The following ELF1 variants were observed in gnomAD, a reference collection of about 807,000 sequenced individuals.
ELF1 encodes the protein ETS-related transcription factor Elf-1.
Under a neutral mutation model 59.9 loss-of-function variants are expected in ELF1, and 24 were observed. That is an observed-to-expected ratio of 0.40 (90% confidence interval 0.29 to 0.56). The LOEUF (loss-of-function observed/expected upper bound fraction) is 0.56. Among genes scored for constraint, ELF1 ranks in the 20% least tolerant of loss-of-function variants. ELF1 has a pLI of 0.44. For missense variants in ELF1, 627 were observed against 742.2 expected (o/e 0.84, Z 1.80); for synonymous variants, 248 against 266.2 (o/e 0.93, Z 0.67).
intron 1 of ELF1, among the ~76,000 whole-genome samples, chr13:41,053,874 A>G (rs968135037): frequency 2.4e-4 from 37 of 152,226 alleles, no homozygotes; most frequent in Non-Finnish European, 5.1e-4. Context: ...TCATTTGTAT[A>G]AATACAATTA....
chr13:41,055,559 ATGTAT>A (rs1877253562), intron 1 of ELF1, among the ~76,000 whole-genome samples: 1 of 151,862 alleles, frequency 6.6e-6, no homozygotes, highest in Non-Finnish European at 1.5e-5. Context: ...TTATCAAACT[ATGTAT>A]TGTATCATAA....
chr13:41,035,737 A>G (rs1049004215), intron 1 of ELF1, among the ~76,000 whole-genome samples: 5 of 151,612 alleles, frequency 3.3e-5, no homozygotes, highest in African/African-American at 1.2e-4. Flanking sequence ...GAAAAAAAAA[A>G]AAAAAGGAAA....
intron 5 of ELF1, among the ~76,000 whole-genome samples, chr13:40,945,172 C>T (rs1176977125): frequency 2.0e-5 from 3 of 152,052 alleles, no homozygotes; most frequent in Admixed American, 2.0e-4. Context: ...TTAATATATA[C>T]CAGCTTAAAA....
chr13:40,970,320 G>A (rs1872453684), intron 2 of ELF1, among the ~76,000 whole-genome samples: 1 of 152,182 alleles, frequency 6.6e-6, no homozygotes, highest in African/African-American at 2.4e-5. Context: ...TACTCTGGAT[G>A]CCTTTGTAAG....
intron 2 of ELF1, among the ~76,000 whole-genome samples, chr13:40,966,963 G>A (rs2138220865): frequency 6.6e-6 from 1 of 152,276 alleles, no homozygotes; most frequent in South Asian, 2.1e-4. Context: ...ACACCAAGAG[G>A]GGTCTGGTGC....
chr13:41,058,232 T>C (rs1309478604), intron 1 of ELF1, among the ~76,000 whole-genome samples: 1 of 152,194 alleles, frequency 6.6e-6, no homozygotes, highest in African/African-American at 2.4e-5. Context: ...AAGTTAAAAT[T>C]CCTTTCTACA....
intron 8 of ELF1, among the ~76,000 whole-genome samples, chr13:40,940,100 G>C (rs553390542): frequency 4.6e-5 from 7 of 152,232 alleles, no homozygotes; most frequent in African/African-American, 1.7e-4. Flanking sequence ...ATATAAAAAT[G>C]TAAGACTGAA....
chr13:40,935,122 A>T (rs1869676491), intron 8 of ELF1, among the ~76,000 whole-genome samples: 1 of 152,198 alleles, frequency 6.6e-6, no homozygotes, highest in South Asian at 2.1e-4. Context: ...TGTTAATCCC[A>T]CTCATTGAAG....
At chr13:40,998,651 AACAT>A (rs1176642464) in intron 1 of ELF1, among the ~76,000 whole-genome samples, 1 of 152,234 alleles carries the variant, frequency 6.6e-6, no homozygotes, top group African/African-American at 2.4e-5. Context: ...TAATAAGTAA[AACAT>A]ATACAGAACA....
At chr13:41,044,893 G>C (rs148608667) in intron 1 of ELF1, among the ~76,000 whole-genome samples, 7 of 152,132 alleles carry the variant, frequency 4.6e-5, no homozygotes, top group Non-Finnish European at 7.4e-5. Flanking sequence ...TTGTACCTCT[G>C]GTAGAATTCG....
intron 1 of ELF1, among the ~76,000 whole-genome samples, chr13:40,986,403 C>T (rs147706475): frequency 6.6e-6 from 1 of 152,206 alleles, no homozygotes; most frequent in African/African-American, 2.4e-5. Flanking sequence ...ATAACATGCA[C>T]TGAATTAACA....
At chr13:41,043,918 G>T (rs377688647) in intron 1 of ELF1, among the ~76,000 whole-genome samples, 1 of 152,110 alleles carries the variant, frequency 6.6e-6, no homozygotes, top group Non-Finnish European at 1.5e-5. Context: ...TATTGATTCT[G>T]CCTATCCATG....
At chr13:41,035,693 G>A (rs1302899874) in intron 1 of ELF1, among the ~76,000 whole-genome samples, 3 of 131,320 alleles carry the variant, frequency 2.3e-5, no homozygotes, top group African/African-American at 2.9e-5. Flanking sequence ...ACTTTAGAGA[G>A]AAAGAGATAC....
intron 1 of ELF1, among the ~76,000 whole-genome samples, chr13:40,987,600 A>AAAG (rs1566181499): frequency 1.1e-4 from 16 of 143,720 alleles, no homozygotes; most frequent in Non-Finnish European, 1.5e-4. Context: ...AAAAAAAAAA[A>AAAG]AAAAGAAAGA....
At chr13:40,938,169 A>G (rs1425455500) in intron 8 of ELF1, among the ~76,000 whole-genome samples, 1 of 152,192 alleles carries the variant, frequency 6.6e-6, no homozygotes, top group Non-Finnish European at 1.5e-5. Flanking sequence ...TTGGATAAAT[A>G]AAAGTTATGC....
intron 7 of ELF1, 91 bp from the exon 8 acceptor site, chr13:40,941,461 A>G: frequency 2.5e-6 from 3 of 1,220,306 alleles, no homozygotes; most frequent in Non-Finnish European, 3.4e-6. Flanking sequence ...CAAAACTTTA[A>G]AGTTGGAATC....
chr13:41,040,924 A>G (rs1876580839), intron 1 of ELF1, among the ~76,000 whole-genome samples: 1 of 152,206 alleles, frequency 6.6e-6, no homozygotes. Flanking sequence ...AAACAATTCA[A>G]ACATGGTCCC....
At position 40,972,502 on chromosome 13, in the gene ELF1, G is replaced by A. The variant is rs546045461; in HGVS notation, c.72+9481C>T. 1.5e-3 allele frequency among the ~76,000 whole-genome samples: 230 copies of A among 152,258 alleles called. 1 individual carries two copies. The highest frequency in any genetic ancestry group is 5.0e-3 in the African/African-American group (207 of 41,544). ...ATGAATTTGTATAACTGGTATGCAA[G>A]TCACAAAAATCACTTTCATCACCTC... On this transcript the variant is annotated intron_variant, in intron 2 of 8. Transcript: ENST00000239882.
At chr13:40,980,485 T>C (rs991135422) in intron 2 of ELF1, among the ~76,000 whole-genome samples, 9 of 152,206 alleles carry the variant, frequency 5.9e-5, no homozygotes, top group African/African-American at 2.2e-4. Context: ...ATATCATACA[T>C]AGTAAGTGTA....
Sources: allele counts gnomAD v4.1 joint callset (sites outside exome capture counted in the v4.1 genomes callset), GRCh38; gene constraint gnomAD v4.1.1; transcripts MANE v1.5; gene names NCBI Gene and HGNC (gene_info 2026-07-23, HGNC 2026-07-21).